EHMT1: variants seen among roughly 807,000 people sequenced by gnomAD.
EHMT1 encodes histone-lysine N-methyltransferase EHMT1.
EHMT1 carries 15 observed loss-of-function variants against 147.2 expected under a neutral mutation model. That is an observed-to-expected ratio of 0.10 (90% CI 0.07 to 0.16). The LOEUF is 0.16. EHMT1 is among the 10% of genes least tolerant of loss of function. The pLI is 1.00. For missense variants in EHMT1, 1,587 were observed against 1,772.4 expected (o/e 0.90, Z 1.88); for synonymous variants, 795 against 709.6 (o/e 1.12, Z -1.91).
chr9:137,735,738 G>A (rs1947475569), intron 4 of EHMT1, among the ~76,000 whole-genome samples: 1 of 152,192 alleles, frequency 6.6e-6, no homozygotes, highest in African/African-American at 2.4e-5. Flanking sequence ...GAATAGATCA[G>A]TGCCCTCCCT....
intron 19 of EHMT1, among the ~76,000 whole-genome samples, chr9:137,812,141 C>T (rs936410781): frequency 2.0e-5 from 3 of 152,198 alleles, no homozygotes; most frequent in African/African-American, 7.2e-5. Flanking sequence ...GAGTTTGAGA[C>T]TAGCCTGGCC....
intron 2 of EHMT1, among the ~76,000 whole-genome samples, chr9:137,714,721 T>A (rs995011221): frequency 6.6e-6 from 1 of 151,964 alleles, no homozygotes; most frequent in Non-Finnish European, 1.5e-5. Flanking sequence ...CCCGGCTAAT[T>A]TTTTAATTTT....
rs1486108991 is a variant in EHMT1, at chr9:137,787,854, T to G, written c.2383-2994T>G. The G allele has an allele frequency of 9.2e-7, 1 of 1,087,686 alleles. No individual in the cohort carries two copies. The highest frequency in any genetic ancestry group is 1.5e-5 in the African/African-American group (1 of 64,904). The allele number at this position is 1,087,686 out of a possible 1,614,324, so 67.4% of individuals were successfully genotyped here. On this transcript the variant is annotated intron_variant, in intron 15 of 26. Coordinates refer to ENST00000460843, the MANE Select transcript of EHMT1 (RefSeq NM_024757.5). This position sits in a 1 kb window ranked among gnomAD's most constrained non-coding sequence, Gnocchi z 4.2. ...GGCAGAGCTGGTTGACGGTGGACAT[T>G]GGGGATAGGAGGTGGGTGGGGGTGC... is the stretch of plus-strand genomic sequence containing the variant.
At chr9:137,630,756 G>A (rs767432715) in intron 1 of EHMT1, among the ~76,000 whole-genome samples, 5 of 152,200 alleles carry the variant, frequency 3.3e-5, no homozygotes, top group South Asian at 2.1e-4. Flanking sequence ...CAGTTTCCTC[G>A]ACTGTGATTT....
At chr9:137,708,544 A>G (rs1490045302) in intron 1 of EHMT1, among the ~76,000 whole-genome samples, 2 of 152,228 alleles carry the variant, frequency 1.3e-5, no homozygotes, top group Non-Finnish European at 2.9e-5. Context: ...ATTATATGGT[A>G]TCAAAAATCA....
chr9:137,753,898 C>A (rs1006713018), intron 7 of EHMT1, among the ~76,000 whole-genome samples: 1 of 152,122 alleles, frequency 6.6e-6, no homozygotes, highest in Non-Finnish European at 1.5e-5. Context: ...TTTATTTATT[C>A]TTTTATGCCA....
At chr9:137,626,670 T>A (rs1348028798) in intron 1 of EHMT1, among the ~76,000 whole-genome samples, 1 of 152,086 alleles carries the variant, frequency 6.6e-6, no homozygotes, top group African/African-American at 2.4e-5. Context: ...CATTTTGCCG[T>A]GTTGCGAATA....
rs370054552 is a variant in EHMT1 at position 137,754,205 on chromosome 9, A to G, written c.1283A>G (p.Lys428Arg). 1.3e-5 allele frequency: 21 copies of G among 1,614,012 alleles called. No homozygotes were observed. The highest frequency in any genetic ancestry group is 1.7e-5 in the Non-Finnish European group (20 of 1,180,022). ...TCCAGCATTAAGAAGAAATTTCTCA[A>G]GAGGAAAGGAAAGACCGACAGTCCC... is the stretch of plus-strand genomic sequence containing the variant. ...SESSIKKKFLKRKGKTDSPWI... is the reference protein window; with the variant it reads ...SESSIKKKFLRRKGKTDSPWI... The change falls in exon 8 of 27, where the codon AAG (lysine) becomes AGG (arginine). Residue 428 changes from lysine to arginine, a missense_variant. Transcript: ENST00000460843.
At position 137,828,718 on chromosome 9, in the gene EHMT1, C is replaced by T. The variant is rs949193196; in HGVS notation, c.3541-5631C>T. Among the ~76,000 whole-genome samples, 2 of 152,150 alleles carry T rather than the reference C, an allele frequency of 1.3e-5. No individual in the cohort carries two copies. The highest frequency in any genetic ancestry group is 4.8e-5 in the African/African-American group (2 of 41,426). Reference sequence around the variant, plus strand: ...TTTAACGCACTGCACTAGAGCATCTCTAAGGCCGGTGGTTCTGGACAGAAA... The same window carrying T: ...TTTAACGCACTGCACTAGAGCATCTTTAAGGCCGGTGGTTCTGGACAGAAA... On this transcript the variant is annotated intron_variant, in intron 25 of 26. Coordinates refer to ENST00000460843, the MANE Select transcript of EHMT1 (RefSeq NM_024757.5). This position sits in a 1 kb window ranked among gnomAD's most constrained non-coding sequence, Gnocchi z 5.3.
chr9:137,679,387 C>T (rs1422570690), intron 1 of EHMT1, among the ~76,000 whole-genome samples: 1 of 152,124 alleles, frequency 6.6e-6, no homozygotes, highest in Non-Finnish European at 1.5e-5. Context: ...CAGCCTTGCA[C>T]CTGGGATACA....
At position 137,772,020 on chromosome 9, in the gene EHMT1, A is replaced by ATGCAGAGCCTGTGGGCCC. The variant is rs1028544135; in HGVS notation, c.1648-3072_1648-3055dup. Reference sequence around the variant, plus strand: ...CCCCACTGTGTCCTAATAAGCCACCATGCAGAGCCTGTGGGCCCTGCAGAG... The same window carrying ATGCAGAGCCTGTGGGCCC: ...CCCCACTGTGTCCTAATAAGCCACCATGCAGAGCCTGTGGGCCCTGCAGAGCCTGTGGGCCCTGCAGAG... On this transcript the variant is annotated intron_variant, in intron 10 of 26. Transcript: ENST00000460843. 3.2e-4 allele frequency among the ~76,000 whole-genome samples: 48 copies of ATGCAGAGCCTGTGGGCCC among 152,278 alleles called. No homozygotes were observed. In the South Asian group the frequency reaches 8.3e-3, roughly 26 times the overall value.
chr9:137,716,799 A>T lies in EHMT1; in HGVS notation c.259A>T (p.Thr87Ser). 1 of 1,613,340 alleles carries T rather than the reference A, an allele frequency of 6.2e-7. No homozygotes were observed. Among genetic ancestry groups the T allele is most frequent in the Non-Finnish European group, 8.5e-7 (1 of 1,179,872 alleles). ...ARVNPQDGTN[T>S]LTRIAENGVS... ...GGTCAACCCCCAGGATGGCACCAACACACTAACTCGGATAGCGGAAAATGG... is the reference window on the plus strand; with the variant it reads ...GGTCAACCCCCAGGATGGCACCAACTCACTAACTCGGATAGCGGAAAATGG... Residue 87 changes from threonine (T) to serine (S), a missense_variant, in exon 3 of 27, where the codon ACA (threonine) becomes TCA (serine). Thr to Ser is a moderately conservative substitution (Grantham distance 58). This residue lies in a region of EHMT1 where 810 missense variants were observed against 673.0 expected (regional missense o/e 1.20). Coordinates refer to ENST00000460843, the MANE Select transcript of EHMT1 (RefSeq NM_024757.5).
At chr9:137,655,504 G>A (rs1409283257) in intron 1 of EHMT1, among the ~76,000 whole-genome samples, 1 of 152,214 alleles carries the variant, frequency 6.6e-6, no homozygotes, top group African/African-American at 2.4e-5. Context: ...CAGTGCTGTT[G>A]AAGAATGAAT....
chr9:137,669,504 G>GAC (rs1458559314), intron 1 of EHMT1, among the ~76,000 whole-genome samples: 3 of 93,230 alleles, frequency 3.2e-5, no homozygotes, highest in Admixed American at 1.5e-4. Flanking sequence ...CTCCTCCCAA[G>GAC]ACGCCCCGCA....
chr9:137,675,402 A>G (rs968939205), intron 1 of EHMT1, among the ~76,000 whole-genome samples: 2 of 147,204 alleles, frequency 1.4e-5, no homozygotes, highest in African/African-American at 4.9e-5. Context: ...TTTGGTGACC[A>G]ATAGGGGGGT....
intron 1 of EHMT1, among the ~76,000 whole-genome samples, chr9:137,668,770 G>A (rs562342409): frequency 4.0e-5 from 6 of 151,876 alleles, no homozygotes; most frequent in African/African-American, 1.2e-4. Flanking sequence ...GTGCTGCCAT[G>A]AACATTCATG....
intron 3 of EHMT1, among the ~76,000 whole-genome samples, chr9:137,725,133 CTTGTGGCAG>C (rs1946494730): frequency 6.9e-6 from 1 of 143,894 alleles, no homozygotes; most frequent in Non-Finnish European, 1.5e-5. Flanking sequence ...ATGGGGCATT[CTTGTGGCAG>C]GTGTGTGGCA....
chr9:137,724,935 G>A (rs1354185151), intron 3 of EHMT1, among the ~76,000 whole-genome samples: 1 of 150,612 alleles, frequency 6.6e-6, no homozygotes, highest in East Asian at 2.0e-4. Context: ...CAGGCTTGTG[G>A]CATTCGTGGG....
intron 1 of EHMT1, among the ~76,000 whole-genome samples, chr9:137,704,828 C>T (rs1188633574): frequency 2.5e-5 from 3 of 118,332 alleles, no homozygotes; most frequent in Admixed American, 2.1e-4. Flanking sequence ...TTTCTTCCTG[C>T]CTTCTTTCTT....
Sources: gnomAD v4.1 joint callset for allele counts (sites outside exome capture counted in the v4.1 genomes callset) on GRCh38, gnomAD v4.1.1 for gene constraint, gnomAD v4.1.1 regional missense constraint, Gnocchi (gnomAD v3.1) non-coding constraint, MANE v1.5 for transcripts, NCBI Gene and HGNC (gene_info 2026-07-23, HGNC 2026-07-21) for gene names.